The following ALKBH1 variants were observed in gnomAD, a reference collection of about 807,000 sequenced individuals.
The protein encoded by ALKBH1 is nucleic acid dioxygenase ALKBH1.
In ALKBH1, 31 loss-of-function variants were observed where a neutral mutation model predicts 36.6. That is an observed-to-expected ratio of 0.85 (90% CI 0.64 to 1.14). ALKBH1 has a LOEUF of 1.14. ALKBH1 is among the 50% of genes most tolerant of loss of function. The probability of loss-of-function intolerance (pLI) is 0.00; values close to 1 mark genes in which losing one functional copy is unlikely to be tolerated. For synonymous variants in ALKBH1, 183 were observed against 186.6 expected (o/e 0.98, Z 0.16); for missense variants, 490 against 497.3 (o/e 0.99, Z 0.14).
chr14:77,680,919 G>A (rs1459559503), intron 3 of ALKBH1, among the ~76,000 whole-genome samples: 1 of 151,910 alleles, frequency 6.6e-6, no homozygotes, highest in African/African-American at 2.4e-5. Flanking sequence ...CAGGTGATCC[G>A]CCTGCCTCGG....
chr14:77,682,520 TG>T (rs2080243392), intron 3 of ALKBH1, among the ~76,000 whole-genome samples: 1 of 152,242 alleles, frequency 6.6e-6, no homozygotes, highest in South Asian at 2.1e-4. Context: ...AAAATGCTGT[TG>T]AAGAAAAGGA....
chr14:77,705,914 G>A (rs2080386938), intron 1 of ALKBH1, among the ~76,000 whole-genome samples: 1 of 152,054 alleles, frequency 6.6e-6, no homozygotes, highest in Non-Finnish European at 1.5e-5. Flanking sequence ...AATTAGCCAG[G>A]CATGGTGGCG....
intron 3 of ALKBH1, among the ~76,000 whole-genome samples, chr14:77,692,306 C>T (rs1180151090): frequency 6.6e-6 from 1 of 151,778 alleles, no homozygotes; most frequent in East Asian, 1.9e-4. Context: ...AGTCTGACTC[C>T]AGAACTAGTG....
At chr14:77,678,313 C>T (rs560905179) in intron 4 of ALKBH1, among the ~76,000 whole-genome samples, 4 of 152,124 alleles carry the variant, frequency 2.6e-5, no homozygotes, top group African/African-American at 9.7e-5. Context: ...TAGTTTCCTA[C>T]TGAGTCTGTA....
chr14:77,675,773 C>G lies in ALKBH1; in HGVS notation c.623G>C (p.Gly208Ala). 6.2e-7 allele frequency: 1 copy of G among 1,614,080 alleles called. No individual in the cohort carries two copies. The highest frequency in any genetic ancestry group is 1.3e-5 in the African/African-American group (1 of 75,000). ...FLSEQVAAAC[G>A]FEDFRAEAGI... ...TGCTTCAGCTCGGAAATCCTCAAAT[C>G]CACAGGCAGCGGCTACTTGCTCTGA... The change falls in exon 5 of 6, where the codon GGA becomes GCA. Residue 208 changes from glycine to alanine, a missense_variant. Physicochemically the swap from Gly to Ala is moderately conservative, Grantham distance 60. Coordinates refer to ENST00000216489, the MANE Select transcript of ALKBH1 (RefSeq NM_006020.3).
chr14:77,681,541 T>C (rs1042433738), intron 3 of ALKBH1, among the ~76,000 whole-genome samples: 2 of 152,206 alleles, frequency 1.3e-5, no homozygotes, highest in Non-Finnish European at 2.9e-5. Flanking sequence ...AAAGACATCA[T>C]GACACATACA....
chr14:77,696,618 G>A (rs2080328549), intron 2 of ALKBH1: 1 of 152,398 alleles, frequency 6.6e-6, no homozygotes, highest in Admixed American at 6.5e-5. Context: ...GACATCACAT[G>A]GCTCAGCTCA....
intron 2 of ALKBH1, among the ~76,000 whole-genome samples, chr14:77,702,773 G>A (rs571784140): frequency 1.7e-4 from 26 of 151,902 alleles, no homozygotes; most frequent in Non-Finnish European, 3.4e-4. Context: ...GCACGATCTC[G>A]GCTCACTGCA....
intron 3 of ALKBH1, 49 bp from the exon 4 acceptor site, chr14:77,680,019 A>T (rs368826293): frequency 1.5e-5 from 22 of 1,460,822 alleles, no homozygotes; most frequent in Non-Finnish European, 1.9e-5. Flanking sequence ...AAATGGCAGC[A>T]ATAGCCGTTT....
At chr14:77,702,629 C>G (rs1595059804) in intron 2 of ALKBH1, among the ~76,000 whole-genome samples, 1 of 152,130 alleles carries the variant, frequency 6.6e-6, no homozygotes, top group African/African-American at 2.4e-5. Context: ...ATAACATTAC[C>G]TATTCTTCAT....
At chr14:77,679,838 G>T (rs78854343) in intron 4 of ALKBH1, 42 bp downstream of exon 4, 1 of 1,438,820 alleles carries the variant, frequency 7.0e-7, no homozygotes, top group Non-Finnish European at 9.8e-7. Context: ...GGCTAAAGAA[G>T]CCTATAAACA....
chr14:77,703,745 G>A (rs745927100), intron 2 of ALKBH1, among the ~76,000 whole-genome samples: 23 of 151,426 alleles, frequency 1.5e-4, no homozygotes, highest in East Asian at 1.9e-4. Context: ...TTACAGGCAC[G>A]CACCACCATG....
At chr14:77,681,061 T>TA (rs1343859941) in intron 3 of ALKBH1, among the ~76,000 whole-genome samples, 2 of 151,850 alleles carry the variant, frequency 1.3e-5, no homozygotes, top group African/African-American at 4.8e-5. Context: ...TCTAATGATT[T>TA]AATTTTTCTC....
chr14:77,680,927 C>T (rs887770803), intron 3 of ALKBH1, among the ~76,000 whole-genome samples: 32 of 152,058 alleles, frequency 2.1e-4, no homozygotes, highest in African/African-American at 7.0e-4. Context: ...CCGCCTGCCT[C>T]GGCCTCCCAA....
chr14:77,686,057 A>T (rs2080266696), intron 3 of ALKBH1, among the ~76,000 whole-genome samples: 1 of 152,210 alleles, frequency 6.6e-6, no homozygotes. Context: ...GAAAGTAGCA[A>T]CAACTCTTAA....
chr14:77,677,694 T>C (rs1205013762), intron 4 of ALKBH1, among the ~76,000 whole-genome samples: 1 of 152,230 alleles, frequency 6.6e-6, no homozygotes, highest in Non-Finnish European at 1.5e-5. Flanking sequence ...GTCTCTTCAG[T>C]TGGAACTTTT....
intron 2 of ALKBH1, among the ~76,000 whole-genome samples, chr14:77,696,014 C>T (rs1041166435): frequency 6.6e-6 from 1 of 152,012 alleles, no homozygotes; most frequent in African/African-American, 2.4e-5. Context: ...ATCACTTGAA[C>T]CCAGGAGGTG....
At chr14:77,703,528 C>G (rs1306601785) in intron 2 of ALKBH1, among the ~76,000 whole-genome samples, 1 of 151,214 alleles carries the variant, frequency 6.6e-6, no homozygotes, top group Non-Finnish European at 1.5e-5. Flanking sequence ...ATCTCCTGAC[C>G]TCGTGATCCG....
At chr14:77,707,259 A>T (rs1377446756) in intron 1 of ALKBH1, among the ~76,000 whole-genome samples, 1 of 152,164 alleles carries the variant, frequency 6.6e-6, no homozygotes, top group Non-Finnish European at 1.5e-5. Context: ...TCCCCTTCTT[A>T]ATCTCCATGG....
Sources: allele counts gnomAD v4.1 joint callset (sites outside exome capture counted in the v4.1 genomes callset), GRCh38; gene constraint gnomAD v4.1.1; transcripts MANE v1.5; gene names NCBI Gene and HGNC (gene_info 2026-07-23, HGNC 2026-07-21).